Variants in TJP1 observed in about 807,000 individuals in gnomAD.
The protein encoded by TJP1 is tight junction protein 1, also known as tight junction protein ZO-1.
In TJP1, 43 loss-of-function variants were observed where a neutral mutation model predicts 194.2. The ratio of observed to expected loss-of-function variants is 0.22; its 90% CI spans 0.17 to 0.29. TJP1 has a LOEUF of 0.29. TJP1 is among the 10% of genes least tolerant of loss of function. The pLI is 1.00. For missense variants in TJP1, 1,971 were observed against 2,185.7 expected (o/e 0.90, Z 1.96); for synonymous variants, 801 against 779.0 (o/e 1.03, Z -0.47).
At chr15:29,945,252 G>A (rs1457710569) in intron 2 of TJP1, among the ~76,000 whole-genome samples, 2 of 152,208 alleles carry the variant, frequency 1.3e-5, no homozygotes, top group African/African-American at 4.8e-5. Context: ...TGTAGACAAC[G>A]TGTAGCACAA....
intron 2 of TJP1, among the ~76,000 whole-genome samples, chr15:29,935,169 G>C (rs1414794623): frequency 1.3e-5 from 2 of 152,124 alleles, no homozygotes; most frequent in African/African-American, 4.8e-5. Flanking sequence ...GATCTCCTAG[G>C]TCATTTGAAC....
chr15:29,818,928 C>G (rs554977650), intron 1 of TJP1, among the ~76,000 whole-genome samples: 2 of 152,086 alleles, frequency 1.3e-5, no homozygotes, highest in Admixed American at 1.3e-4. Flanking sequence ...AGCAATTCTC[C>G]TTCCTTAGCT....
chr15:29,938,432 C>T (rs548904470), intron 2 of TJP1, among the ~76,000 whole-genome samples: 3 of 152,176 alleles, frequency 2.0e-5, no homozygotes, highest in South Asian at 4.2e-4. Flanking sequence ...ATTATGAAAT[C>T]GTCAAAAATC....
intron 20 of TJP1, among the ~76,000 whole-genome samples, chr15:29,719,444 A>G (rs2042794596): frequency 6.6e-6 from 1 of 152,218 alleles, no homozygotes. Context: ...GAAAAATCCT[A>G]AAGAAGATTT....
chr15:29,922,883 A>G (rs554893999), intron 2 of TJP1, among the ~76,000 whole-genome samples: 24 of 152,352 alleles, frequency 1.6e-4, no homozygotes, highest in Non-Finnish European at 2.9e-4. Flanking sequence ...ACTTGGCTAC[A>G]TAAAAATGTA....
At chr15:29,762,030 G>A (rs1335712747) in intron 6 of TJP1, among the ~76,000 whole-genome samples, 1 of 151,976 alleles carries the variant, frequency 6.6e-6, no homozygotes, top group Non-Finnish European at 1.5e-5. Context: ...ATAAACAAAC[G>A]AATAAATAAG....
chr15:29,923,541 G>A (rs1413614130), intron 2 of TJP1, among the ~76,000 whole-genome samples: 1 of 152,136 alleles, frequency 6.6e-6, no homozygotes, highest in Non-Finnish European at 1.5e-5. Context: ...AGCATGCAAA[G>A]TCAAAGACCA....
Position 29,800,721 on chromosome 15 carries a change from A to T in TJP1, c.28-19T>A. 3 of 1,612,374 alleles carry T rather than the reference A, an allele frequency of 1.9e-6. No homozygotes were observed. Among genetic ancestry groups the T allele is most frequent in the Non-Finnish European group, 2.5e-6 (3 of 1,179,350 alleles). On this transcript the variant is annotated intron_variant, in intron 1 of 27. Transcript: ENST00000614355. ...CTGTGCTCTGATAAAGGAAAAGAAA[A>T]ACAAATCATTTACCTTTTAAGAAAA...
intron 10 of TJP1, 55 bp downstream of exon 10, chr15:29,741,276 C>T: frequency 7.5e-7 from 1 of 1,330,066 alleles, no homozygotes; most frequent in Non-Finnish European, 1.1e-6. Context: ...AATTCCTACT[C>T]TGAATAATGT....
intron 7 of TJP1, 151 bp from the exon 8 acceptor site, chr15:29,761,437 A>G: frequency 1.6e-6 from 2 of 1,286,540 alleles, no homozygotes; most frequent in Non-Finnish European, 1.1e-6. Context: ...CAATCATATC[A>G]ATAGTGGTGA....
intron 2 of TJP1, among the ~76,000 whole-genome samples, chr15:29,914,835 C>T (rs190002817): frequency 2.6e-5 from 4 of 151,314 alleles, no homozygotes; most frequent in African/African-American, 9.7e-5. Context: ...CATCTGGCCC[C>T]TCTCCCACAC....
intron 2 of TJP1, among the ~76,000 whole-genome samples, chr15:29,894,035 T>C (rs1811156120): frequency 6.6e-6 from 1 of 152,186 alleles, no homozygotes; most frequent in Non-Finnish European, 1.5e-5. Context: ...GTTGGGAAAT[T>C]CCATCTGACC....
intron 2 of TJP1, among the ~76,000 whole-genome samples, chr15:29,893,781 C>T (rs1292788704): frequency 6.6e-6 from 1 of 152,104 alleles, no homozygotes. Context: ...GTATGACTGA[C>T]TGCATTGTGA....
At chr15:29,733,722 G>C (rs2043824588) in intron 12 of TJP1, among the ~76,000 whole-genome samples, 1 of 152,132 alleles carries the variant, frequency 6.6e-6, no homozygotes, top group South Asian at 2.1e-4. Context: ...AAAGGGTAAG[G>C]GGTGTGTGCT....
chr15:29,700,853 T>C lies in TJP1; in HGVS notation c.*742A>G, dbSNP rs1362047989. On this transcript the variant is annotated 3_prime_UTR_variant, in exon 28 of 28. Coordinates refer to ENST00000614355, the MANE Select transcript of TJP1 (RefSeq NM_001330239.4). Reference sequence around the variant, plus strand: ...GTACTCAGTCTTTGTCATGATACAGTATCTAGATAATGCACAAAAGCCATA... The same window carrying C: ...GTACTCAGTCTTTGTCATGATACAGCATCTAGATAATGCACAAAAGCCATA... 1 of 159,708 alleles carries C rather than the reference T, an allele frequency of 6.3e-6. No homozygotes were observed. Among genetic ancestry groups the C allele is most frequent in the Non-Finnish European group, 1.4e-5 (1 of 73,074 alleles). The allele number at this position is 159,708 out of a possible 1,614,324, so 9.9% of individuals were successfully genotyped here. A position where few individuals can be genotyped will look rare whatever the true frequency, so the allele number is the denominator to read the frequency against.
chr15:29,874,868 C>T (rs749175135), intron 2 of TJP1, among the ~76,000 whole-genome samples: 2 of 152,052 alleles, frequency 1.3e-5, no homozygotes, highest in African/African-American at 2.4e-5. Flanking sequence ...TTGACATGCA[C>T]GTACATAAAG....
At chr15:29,901,336 T>C (rs568501442) in intron 2 of TJP1, among the ~76,000 whole-genome samples, 1 of 152,330 alleles carries the variant, frequency 6.6e-6, no homozygotes, top group Non-Finnish European at 1.5e-5. Context: ...TTCACAATTA[T>C]AATTTGGTCC....
In TJP1 at chr15:29,710,937, G is replaced by T. The variant is rs768175410; in HGVS notation, c.4266C>A (p.Ile1422=). 6.2e-7 allele frequency: 1 copy of T among 1,614,160 alleles called. No homozygotes were observed. Among genetic ancestry groups the T allele is most frequent in the East Asian group, 2.2e-5 (1 of 44,878 alleles). Residue 1422 remains isoleucine, a synonymous_variant, in exon 24 of 28, where the codon ATC becomes ATA. Coordinates refer to ENST00000614355, the MANE Select transcript of TJP1 (RefSeq NM_001330239.4). ...RSFGEKRYEP[I]QATPPPPPLP... is the part of the protein sequence containing the mutation. ...ATGGAGGAGGAGGGGGAGTGGCCTG[G>T]ATGGGTTCATAGCGTTTCTCGCCAA...
chr15:29,770,543 G>C (rs550368345), intron 4 of TJP1, among the ~76,000 whole-genome samples: 2 of 151,800 alleles, frequency 1.3e-5, no homozygotes, highest in African/African-American at 4.8e-5. Flanking sequence ...GTGAAACCCT[G>C]TCTCCACTAA....
Sources: allele counts gnomAD v4.1 joint callset (sites outside exome capture counted in the v4.1 genomes callset), GRCh38; gene constraint gnomAD v4.1.1; transcripts MANE v1.5; gene names NCBI Gene and HGNC (gene_info 2026-07-23, HGNC 2026-07-21).